DOCK2: variants seen among roughly 807,000 people sequenced by gnomAD.
DOCK2 encodes the protein dedicator of cytokinesis 2, also known as dedicator of cytokinesis protein 2.
In DOCK2, 87 loss-of-function variants were observed where a neutral mutation model predicts 248.9. The observed-to-expected ratio is 0.35, with a 90% CI of 0.29 to 0.42. The LOEUF is 0.42. Ranked by LOEUF, DOCK2 falls within the 10% of genes least tolerant of loss-of-function variation. The probability of loss-of-function intolerance (pLI) is 1.00; values close to 1 mark genes in which losing one functional copy is unlikely to be tolerated. For missense variants in DOCK2, 1,747 were observed against 2,300.2 expected, an observed-to-expected ratio of 0.76 and a Z score of 4.92; for synonymous variants, 805 against 821.6, an observed-to-expected ratio of 0.98 and a Z score of 0.35.
chr5:169,939,131 C>A (rs1463883510), intron 27 of DOCK2, among the ~76,000 whole-genome samples: 1 of 151,858 alleles, frequency 6.6e-6, no homozygotes, highest in African/African-American at 2.4e-5. Context: ...GTCTTGATCT[C>A]CTGACCTCGT....
chr5:170,067,784 C>T lies in DOCK2; in HGVS notation c.4644+98C>T, dbSNP rs955956957. ...ATGCAGGTACATGTCACTTATCCTA[C>T]TTTGACTGTCCTTGTCCCCAGAGGG... On this transcript the variant is annotated intron_variant, in intron 45 of 51. Transcript: ENST00000520908. 4 of 1,368,930 alleles carry T rather than the reference C, an allele frequency of 2.9e-6. No individual in the cohort carries two copies. In the Admixed American group the frequency reaches 8.1e-5, roughly 28 times the overall value. 84.8% of individuals were successfully genotyped at this position (1,368,930 alleles called of 1,614,324 possible).
intron 19 of DOCK2, 138 bp from the exon 20 acceptor site, chr5:169,716,075 A>T (rs1248031925): frequency 8.1e-6 from 6 of 736,600 alleles, no homozygotes; most frequent in Middle Eastern, 4.1e-4. Context: ...CGTGAGTAAA[A>T]CTACTCTAGA....
rs1477064274 is a variant in DOCK2, at chr5:169,820,963, G to A, written c.2703+17757G>A. Among the ~76,000 whole-genome samples, 3 of 152,310 alleles carry A rather than the reference G, an allele frequency of 2.0e-5. No individual in the cohort carries two copies. In the East Asian group the frequency reaches 5.8e-4, roughly 29 times the overall value. ...CTGAAAACCACGGCACGAGAACTAC[G>A]TGACGAATGCACAAGCTTCAGTAGC... On this transcript the variant is annotated intron_variant, in intron 26 of 51. Coordinates refer to ENST00000520908, the MANE Select transcript of DOCK2 (RefSeq NM_004946.3).
intron 32 of DOCK2, among the ~76,000 whole-genome samples, chr5:170,012,002 A>G (rs1755316091): frequency 6.6e-6 from 1 of 152,206 alleles, no homozygotes; most frequent in South Asian, 2.1e-4. Context: ...TGCATCCTTA[A>G]CTGATACATC....
Position 170,027,871 on chromosome 5 carries a change from C to T in DOCK2, c.3390C>T (p.Asn1130=), listed in dbSNP as rs772176501. 26 of 1,612,136 alleles carry T rather than the reference C, an allele frequency of 1.6e-5. No individual in the cohort carries two copies. The highest frequency in any genetic ancestry group is 1.6e-4 in the Middle Eastern group (1 of 6,076). The change falls in exon 34 of 52, where the codon AAC becomes AAT. Residue 1130 remains asparagine, a synonymous_variant. Transcript: ENST00000520908. ...QRSGDFKKFE[N]EIILKLDHEV... is the part of the protein sequence containing the mutation. Reference sequence around the variant, plus strand: ...GTCTCCTACATCTTCAGTTTGAAAACGAAATCATCCTGAAGCTGGACCACG... The same window carrying T: ...GTCTCCTACATCTTCAGTTTGAAAATGAAATCATCCTGAAGCTGGACCACG...
At chr5:170,003,765 T>C (rs1754921583) in intron 30 of DOCK2, among the ~76,000 whole-genome samples, 1 of 152,188 alleles carries the variant, frequency 6.6e-6, no homozygotes, top group African/African-American at 2.4e-5. Context: ...ATCTGATTCT[T>C]TGGGAACAAG....
At chr5:169,999,223 A>G (rs538880740) in intron 30 of DOCK2, among the ~76,000 whole-genome samples, 27 of 152,320 alleles carry the variant, frequency 1.8e-4, no homozygotes, top group African/African-American at 6.5e-4. Context: ...GGTTTCATAC[A>G]TGAGAAGTAC....
chr5:169,953,442 T>C (rs1776748082), intron 27 of DOCK2, among the ~76,000 whole-genome samples: 1 of 152,104 alleles, frequency 6.6e-6, no homozygotes, highest in Non-Finnish European at 1.5e-5. Context: ...GTGGGCAAAT[T>C]GTTTCAGATC....
In DOCK2 at chr5:169,761,612, C is replaced by G; in HGVS notation, c.2541C>G (p.Leu847=). 1 of 1,613,906 alleles carries G rather than the reference C, an allele frequency of 6.2e-7. No individual in the cohort carries two copies. The highest frequency in any genetic ancestry group is 8.5e-7 in the Non-Finnish European group (1 of 1,179,862). The part of the protein sequence containing the change: ...QSMNEIVQSN[L]FKKQECRDIL... ...TGAATGAGATAGTCCAGAGCAACCT[C>G]TTTAAAAAGCAAGGTGAGTACACAG... The change falls in exon 25 of 52, where the codon CTC becomes CTG. Residue 847 remains leucine (L), a synonymous_variant. Transcript: ENST00000520908.
rs568128450 is a variant in DOCK2 at position 170,048,610 on chromosome 5, C to T, written c.4071+996C>T. ...GCTTCTGCAATCTGTTGCGATCACA[C>T]ATCACGCAGCCTCAGAAAGCTCCAT... On this transcript the variant is annotated intron_variant, in intron 40 of 51. Transcript: ENST00000520908. Among the ~76,000 whole-genome samples, 6 of 152,314 alleles carry T rather than the reference C, an allele frequency of 3.9e-5. No individual in the cohort carries two copies. The East Asian group carries it at 9.6e-4, about 24-fold the overall frequency.
intron 26 of DOCK2, among the ~76,000 whole-genome samples, chr5:169,839,492 G>A (rs1016849512): frequency 1.3e-5 from 2 of 152,058 alleles, no homozygotes; most frequent in African/African-American, 4.8e-5. Flanking sequence ...TTTCCACTTG[G>A]CCATGGCCAC....
intron 34 of DOCK2, among the ~76,000 whole-genome samples, chr5:170,033,591 G>A (rs934656749): frequency 1.3e-5 from 2 of 152,126 alleles, no homozygotes; most frequent in Non-Finnish European, 2.9e-5. Context: ...GGATGCTGGG[G>A]CCAGACTTTT....
intron 29 of DOCK2, among the ~76,000 whole-genome samples, chr5:169,992,406 G>C (rs1373511295): frequency 1.3e-5 from 2 of 152,224 alleles, no homozygotes; most frequent in Non-Finnish European, 2.9e-5. Context: ...GAGAGTAATA[G>C]AGTTGAGTGT....
intron 6 of DOCK2, among the ~76,000 whole-genome samples, chr5:169,679,858 G>A (rs1378893643): frequency 6.6e-6 from 1 of 152,202 alleles, no homozygotes; most frequent in Non-Finnish European, 1.5e-5. Flanking sequence ...CTCTGATAGA[G>A]ATGAAGACTT....
chr5:169,713,909 A>G, intron 17 of DOCK2, 119 bp from the exon 18 acceptor site: 1 of 1,155,676 alleles, frequency 8.7e-7, no homozygotes, highest in Non-Finnish European at 1.2e-6. Context: ...TTCTCTGATG[A>G]TTTTCTTCAC....
At position 170,050,380 on chromosome 5, in the gene DOCK2, A is replaced by C; in HGVS notation, c.4196A>C (p.Lys1399Thr). 3 of 1,614,080 alleles carry C rather than the reference A, an allele frequency of 1.9e-6. No homozygotes were observed. Among genetic ancestry groups the C allele is most frequent in the Non-Finnish European group, 2.5e-6 (3 of 1,179,946 alleles). The change falls in exon 41 of 52, where the codon AAG becomes ACG. Residue 1399 changes from lysine to threonine, a missense_variant. Coordinates refer to ENST00000520908, the MANE Select transcript of DOCK2 (RefSeq NM_004946.3). ...NTTSAPGDDV[K>T]NAPGQYIQCF... ...ACCTCTGCCCCGGGAGATGATGTGAAGAATGCCCCAGGCCAGTGTATCCTT... is the reference window on the plus strand; with the variant it reads ...ACCTCTGCCCCGGGAGATGATGTGACGAATGCCCCAGGCCAGTGTATCCTT...
intron 5 of DOCK2, among the ~76,000 whole-genome samples, chr5:169,673,562 C>G (rs1759160440): frequency 2.0e-5 from 3 of 151,884 alleles, no homozygotes; most frequent in Non-Finnish European, 4.4e-5. Flanking sequence ...GCTCTGTCAC[C>G]CCCGCTGGAG....
At chr5:169,821,781 A>G (rs1376207489) in intron 26 of DOCK2, among the ~76,000 whole-genome samples, 3 of 152,222 alleles carry the variant, frequency 2.0e-5, no homozygotes, top group African/African-American at 4.8e-5. Context: ...TTAACCTTAA[A>G]TGTAAATGGG....
intron 27 of DOCK2, among the ~76,000 whole-genome samples, chr5:169,903,284 A>G (rs1275294709): frequency 1.4e-5 from 2 of 147,678 alleles, no homozygotes; most frequent in East Asian, 2.0e-4. Flanking sequence ...TGAGATCCCC[A>G]TCTCTAAAAA....
Sources: allele counts gnomAD v4.1 joint callset (sites outside exome capture counted in the v4.1 genomes callset), GRCh38; gene constraint gnomAD v4.1.1; transcripts MANE v1.5; gene names NCBI Gene and HGNC (gene_info 2026-07-23, HGNC 2026-07-21).